Variants in LDLRAD4 observed in about 807,000 individuals in gnomAD.
LDLRAD4 encodes the protein low density lipoprotein receptor class A domain containing 4.
In LDLRAD4, 5 loss-of-function variants were observed where a neutral mutation model predicts 17.0. The observed-to-expected ratio is 0.29, with a 90% CI of 0.15 to 0.62. The LOEUF is 0.62. LDLRAD4 is among the 20% of genes least tolerant of loss of function. The probability of loss-of-function intolerance (pLI) is 0.84; values close to 1 mark genes in which losing one functional copy is unlikely to be tolerated. For missense variants in LDLRAD4, 340 were observed against 424.7 expected (o/e 0.80, Z 1.75); for synonymous variants, 168 against 171.8 (o/e 0.98, Z 0.17).
At chr18:13,226,180 C>CTTTTTTTTTTGTTTTT (rs2041784788) in intron 1 of LDLRAD4, among the ~76,000 whole-genome samples, 1 of 52,188 alleles carries the variant, frequency 1.9e-5, no homozygotes, top group Non-Finnish European at 3.3e-5. Flanking sequence ...CCATGCCTTG[C>CTTTTTTTTTTGTTTTT]TTTTTTTTTT....
chr18:13,477,816 C>CA (rs1321346438), intron 3 of LDLRAD4, among the ~76,000 whole-genome samples: 1 of 152,184 alleles, frequency 6.6e-6, no homozygotes, highest in Non-Finnish European at 1.5e-5. Flanking sequence ...TGCTGACAGG[C>CA]AGTCAAGGGC....
chr18:13,553,069 A>C lies in LDLRAD4; in HGVS notation c.182-68048A>C, dbSNP rs146495903. 5.9e-5 allele frequency among the ~76,000 whole-genome samples: 9 copies of C among 152,356 alleles called. No individual in the cohort carries two copies. In the East Asian group the frequency reaches 1.7e-3, roughly 29 times the overall value. ...TAGTATTTTGTTATTTTATATTTTTAGTAAATGTGACATTCTAGTTGAGAC... is the reference window on the plus strand; with the variant it reads ...TAGTATTTTGTTATTTTATATTTTTCGTAAATGTGACATTCTAGTTGAGAC... On this transcript the variant is annotated intron_variant, in intron 3 of 5. Transcript: ENST00000359446.
chr18:13,353,247 T>C (rs889547420), intron 1 of LDLRAD4, among the ~76,000 whole-genome samples: 3 of 152,186 alleles, frequency 2.0e-5, no homozygotes, highest in African/African-American at 7.2e-5. Context: ...CTCCTGTCTT[T>C]CTAGAGTGGC....
intron 3 of LDLRAD4, chr18:13,526,573 A>G (rs1259069412): frequency 3.3e-5 from 5 of 152,226 alleles, no homozygotes; most frequent in Admixed American, 3.3e-4. Context: ...TTGCTTGAGC[A>G]TTAACTACCA....
rs376253896 is a variant in LDLRAD4 at position 13,348,229 on chromosome 18, GT to G, written c.-382-39111del. Among the ~76,000 whole-genome samples, 188 of 152,194 alleles carry G rather than the reference GT, an allele frequency of 1.2e-3. 1 individual carries two copies. The East Asian group carries it at 0.025, about 20-fold the overall frequency. On this transcript the variant is annotated intron_variant, in intron 1 of 5. Transcript: ENST00000359446. The stretch of plus-strand genomic sequence containing the variant: ...TACCTACCTTTGGTCTTTGATGATG[GT>G]GACATACAAATGGGGTTTTGGTGTG...
intron 1 of LDLRAD4, among the ~76,000 whole-genome samples, chr18:13,334,177 A>G (rs960659265): frequency 6.6e-6 from 1 of 152,136 alleles, no homozygotes; most frequent in Non-Finnish European, 1.5e-5. Flanking sequence ...GAATGGTATT[A>G]TATTTTAAAT....
At chr18:13,482,254 T>C (rs554465080) in intron 3 of LDLRAD4, among the ~76,000 whole-genome samples, 68 of 152,232 alleles carry the variant, frequency 4.5e-4, no homozygotes, top group African/African-American at 1.6e-3. Flanking sequence ...CTGAACCCGC[T>C]GCCCACCTCA....
At chr18:13,255,751 G>A (rs377496500) in intron 1 of LDLRAD4, among the ~76,000 whole-genome samples, 1 of 152,162 alleles carries the variant, frequency 6.6e-6, no homozygotes. Flanking sequence ...CCAGGGCTGT[G>A]GGGTGCTTGG....
intron 3 of LDLRAD4, among the ~76,000 whole-genome samples, chr18:13,580,131 T>A (rs1568364787): frequency 6.6e-6 from 1 of 152,226 alleles, no homozygotes; most frequent in Non-Finnish European, 1.5e-5. Context: ...TCCAGGCTGC[T>A]CTTCTTGCTC....
At chr18:13,220,744 G>C (rs923189382) in intron 1 of LDLRAD4, among the ~76,000 whole-genome samples, 1 of 152,234 alleles carries the variant, frequency 6.6e-6, no homozygotes, top group Non-Finnish European at 1.5e-5. Context: ...CAGCCTCATA[G>C]CTCCTGGGAC....
intron 2 of LDLRAD4, among the ~76,000 whole-genome samples, chr18:13,389,055 G>A (rs1453577620): frequency 2.0e-5 from 3 of 152,168 alleles, no homozygotes; most frequent in Non-Finnish European, 2.9e-5. Flanking sequence ...GTTGTGGTGT[G>A]CGGGTCATGG....
chr18:13,382,318 C>G (rs1481206515), intron 1 of LDLRAD4, among the ~76,000 whole-genome samples: 2 of 152,168 alleles, frequency 1.3e-5, no homozygotes, highest in African/African-American at 2.4e-5. Context: ...GGACACAGTT[C>G]AGTTTGTATT....
chr18:13,298,701 G>A (rs2046416592), intron 1 of LDLRAD4, among the ~76,000 whole-genome samples: 1 of 151,492 alleles, frequency 6.6e-6, no homozygotes, highest in Non-Finnish European at 1.5e-5. Context: ...CTTTGGGCAT[G>A]GTGATGGAGC....
At chr18:13,475,122 C>T (rs2092905204) in intron 3 of LDLRAD4, among the ~76,000 whole-genome samples, 1 of 152,192 alleles carries the variant, frequency 6.6e-6, no homozygotes, top group Admixed American at 6.5e-5. Flanking sequence ...ACAGGAGCCT[C>T]AAGGGTGCAA....
intron 1 of LDLRAD4, among the ~76,000 whole-genome samples, chr18:13,350,022 C>T (rs1289172889): frequency 1.3e-5 from 2 of 152,148 alleles, no homozygotes; most frequent in South Asian, 2.1e-4. Flanking sequence ...TTTTCTGTAT[C>T]CAGTCTATCA....
At chr18:13,280,343 G>T (rs1397349649) in intron 1 of LDLRAD4, among the ~76,000 whole-genome samples, 1 of 152,206 alleles carries the variant, frequency 6.6e-6, no homozygotes, top group Non-Finnish European at 1.5e-5. Flanking sequence ...CTTTAAATGG[G>T]ATAATATTTA....
chr18:13,456,716 G>C (rs1051765540), intron 3 of LDLRAD4, among the ~76,000 whole-genome samples: 2 of 152,174 alleles, frequency 1.3e-5, no homozygotes, highest in Admixed American at 1.3e-4. Context: ...TTTTAAAAGG[G>C]TATTTTATAT....
intron 1 of LDLRAD4, among the ~76,000 whole-genome samples, chr18:13,245,243 A>C (rs1249082488): frequency 1.3e-5 from 2 of 152,208 alleles, no homozygotes; most frequent in Non-Finnish European, 2.9e-5. Context: ...ACTTCATCCC[A>C]GCCCCTCTAT....
intron 3 of LDLRAD4, among the ~76,000 whole-genome samples, chr18:13,578,353 C>A (rs746412753): frequency 6.6e-6 from 1 of 152,086 alleles, no homozygotes; most frequent in African/African-American, 2.4e-5. Flanking sequence ...TGAAATTTTC[C>A]CTAAAACTAG....
Sources: gnomAD v4.1 joint callset for allele counts (sites outside exome capture counted in the v4.1 genomes callset) on GRCh38, gnomAD v4.1.1 for gene constraint, MANE v1.5 for transcripts, NCBI Gene and HGNC (gene_info 2026-07-23, HGNC 2026-07-21) for gene names.